Variants in GRIA1 observed in about 807,000 individuals in gnomAD.
GRIA1 encodes the protein glutamate ionotropic receptor AMPA type subunit 1, also known as glutamate receptor 1.
Under a neutral mutation model 99.2 loss-of-function variants are expected in GRIA1, and 31 were observed. The observed-to-expected ratio is 0.31, with a 90% CI of 0.23 to 0.42. The LOEUF is 0.42. Among genes scored for constraint, GRIA1 ranks in the 10% least tolerant of loss-of-function variants. The probability of loss-of-function intolerance (pLI) is 1.00; values close to 1 mark genes in which losing one functional copy is unlikely to be tolerated. For missense variants in GRIA1, 782 were observed against 1,157.5 expected, an observed-to-expected ratio of 0.68 and a Z score of 4.71; for synonymous variants, 438 against 432.4, an observed-to-expected ratio of 1.01 and a Z score of -0.16.
intron 2 of GRIA1, among the ~76,000 whole-genome samples, chr5:153,630,329 C>G (rs1274299155): frequency 6.6e-6 from 1 of 151,886 alleles, no homozygotes; most frequent in Non-Finnish European, 1.5e-5. Flanking sequence ...CTCAATGATC[C>G]CCTTTCTTTT....
intron 2 of GRIA1, among the ~76,000 whole-genome samples, chr5:153,529,543 A>G (rs1757911587): frequency 6.6e-6 from 1 of 152,228 alleles, no homozygotes; most frequent in Non-Finnish European, 1.5e-5. Flanking sequence ...CGAAGTATTC[A>G]TGATGAGCAT....
chr5:153,644,842 T>C lies in GRIA1; in HGVS notation c.221-2086T>C, dbSNP rs141457046. On this transcript the variant is annotated intron_variant, in intron 2 of 15. Transcript: ENST00000285900. ...GGAACAGCTGGTGCAGAGTCTCCCA[T>C]GCAGAATGAGCTTGGAGCCCAGAGG... Among the ~76,000 whole-genome samples the C allele has an allele frequency of 2.0e-3, 310 of 151,664 alleles. 1 individual carries two copies. Among genetic ancestry groups the C allele is most frequent in the Non-Finnish European group, 3.8e-3 (255 of 67,934 alleles).
intron 2 of GRIA1, among the ~76,000 whole-genome samples, chr5:153,595,753 T>C (rs1174374095): frequency 6.8e-6 from 1 of 148,122 alleles, no homozygotes; most frequent in African/African-American, 2.4e-5. Flanking sequence ...ATATAATATA[T>C]ATATAATTAA....
intron 8 of GRIA1, among the ~76,000 whole-genome samples, chr5:153,693,118 T>C (rs1294136933): frequency 6.6e-6 from 1 of 152,168 alleles, no homozygotes. Flanking sequence ...TGGCTAAGAC[T>C]CAGGCTCATG....
intron 8 of GRIA1, among the ~76,000 whole-genome samples, chr5:153,691,844 G>C (rs182116973): frequency 1.3e-3 from 191 of 152,194 alleles, no homozygotes; most frequent in Admixed American, 2.8e-3. Context: ...CCTCTACAAG[G>C]CTACTTTTCC....
chr5:153,778,651 CCACA>C (rs57534899), intron 13 of GRIA1, among the ~76,000 whole-genome samples: 3,523 of 147,312 alleles, frequency 0.024, 99 homozygotes, highest in African/African-American at 0.073. Flanking sequence ...TCACCCCCCA[CCACA>C]CACACACACA....
chr5:153,650,833 C>A (rs543624301), intron 4 of GRIA1, among the ~76,000 whole-genome samples: 1 of 141,940 alleles, frequency 7.0e-6, no homozygotes, highest in Non-Finnish European at 1.5e-5. Flanking sequence ...CTGAGGCAGG[C>A]GGATCACCTG....
upstream of GRIA1, among the ~76,000 whole-genome samples, chr5:153,490,005 T>C (rs1404198630): frequency 6.6e-6 from 1 of 152,016 alleles, no homozygotes; most frequent in Non-Finnish European, 1.5e-5. Context: ...CTGGTCAAAA[T>C]ACCTGCCAGT....
At chr5:153,681,525 CAAGA>C (rs1195803607) in intron 7 of GRIA1, among the ~76,000 whole-genome samples, 2 of 152,054 alleles carry the variant, frequency 1.3e-5, no homozygotes, top group Non-Finnish European at 2.9e-5. Flanking sequence ...GGTGAGGGTA[CAAGA>C]AAGGACTTGC....
rs960833805 is a variant in GRIA1 at position 153,494,017 on chromosome 5, C to G, written c.172C>G (p.Gln58Glu). 6.2e-7 allele frequency: 1 copy of G among 1,614,094 alleles called. No homozygotes were observed. Among genetic ancestry groups the G allele is most frequent in the Admixed American group, 1.7e-5 (1 of 60,030 alleles). Residue 58 changes from glutamine to glutamate, a missense_variant, in exon 2 of 16, where the codon CAG becomes GAG. Around this residue, in one of 5 missense-constraint regions of GRIA1, gnomAD observed 461 missense variants for 521.7 expected, o/e 0.88. Transcript: ENST00000285900. ...CACAGAGCCCCCGAAGCTGCTCCCC[C>G]AGATTGATATTGTGAACATCAGCGA... is the stretch of plus-strand genomic sequence containing the variant. ...QLTEPPKLLPQIDIVNISDSF... is the reference protein window; with the variant it reads ...QLTEPPKLLPEIDIVNISDSF...
intron 13 of GRIA1, among the ~76,000 whole-genome samples, chr5:153,789,520 T>C (rs1227246090): frequency 6.6e-6 from 1 of 152,178 alleles, no homozygotes; most frequent in Non-Finnish European, 1.5e-5. Flanking sequence ...GAAGAATATC[T>C]AATTAACTGC....
intron 2 of GRIA1, among the ~76,000 whole-genome samples, chr5:153,519,187 G>A (rs1043393801): frequency 3.3e-5 from 5 of 151,950 alleles, no homozygotes; most frequent in South Asian, 2.1e-4. Flanking sequence ...CGCTGGAATC[G>A]GGAGGTGGCA....
At chr5:153,606,579 T>C (rs1765456467) in intron 2 of GRIA1, among the ~76,000 whole-genome samples, 1 of 152,062 alleles carries the variant, frequency 6.6e-6, no homozygotes, top group Non-Finnish European at 1.5e-5. Flanking sequence ...TTTTCAGTAA[T>C]ATTTTGTAGT....
intron 2 of GRIA1, among the ~76,000 whole-genome samples, chr5:153,542,965 T>TCTAG (rs1336305806): frequency 2.0e-5 from 3 of 152,274 alleles, no homozygotes; most frequent in Non-Finnish European, 4.4e-5. Context: ...TTGGCTGTCA[T>TCTAG]CTAGCTATCT....
intron 1 of GRIA1, chr5:153,492,220 T>C: frequency 2.0e-6 from 3 of 1,532,418 alleles, no homozygotes; most frequent in East Asian, 2.4e-5. Flanking sequence ...TACCCATCTC[T>C]TTCAGCCTCT....
intron 11 of GRIA1, among the ~76,000 whole-genome samples, chr5:153,747,529 G>A (rs1270187978): frequency 1.3e-5 from 2 of 152,220 alleles, no homozygotes; most frequent in Non-Finnish European, 2.9e-5. Context: ...TAAATGTCAA[G>A]TGTCTTCCAT....
chr5:153,635,089 T>C (rs754097165), intron 2 of GRIA1, among the ~76,000 whole-genome samples: 7 of 152,206 alleles, frequency 4.6e-5, no homozygotes, highest in Non-Finnish European at 1.0e-4. Context: ...GCTGATCAAG[T>C]TCATGGGTAT....
chr5:153,779,703 C>T (rs1433654648), intron 13 of GRIA1, among the ~76,000 whole-genome samples: 3 of 152,282 alleles, frequency 2.0e-5, no homozygotes, highest in East Asian at 1.9e-4. Context: ...GCTGGGATTA[C>T]AGCCGTGCAC....
chr5:153,529,165 G>A (rs186547693), intron 2 of GRIA1, among the ~76,000 whole-genome samples: 3 of 152,292 alleles, frequency 2.0e-5, no homozygotes, highest in East Asian at 3.9e-4. Flanking sequence ...ACAATAAGAG[G>A]CTATCTGTGC....
Sources: gnomAD v4.1 joint callset for allele counts (sites outside exome capture counted in the v4.1 genomes callset) on GRCh38, gnomAD v4.1.1 for gene constraint, gnomAD v4.1.1 regional missense constraint, MANE v1.5 for transcripts, NCBI Gene and HGNC (gene_info 2026-07-23, HGNC 2026-07-21) for gene names.